The following RANBP2 variants were observed in gnomAD, a reference collection of about 807,000 sequenced individuals.
The protein encoded by RANBP2 is RAN binding protein 2.
In RANBP2, 57 loss-of-function variants were observed where a neutral mutation model predicts 303.6. The observed-to-expected ratio is 0.19, with a 90% CI of 0.15 to 0.23. The LOEUF is 0.23. Ranked by LOEUF, RANBP2 falls within the 10% of genes least tolerant of loss-of-function variation. RANBP2 has a pLI of 1.00. For synonymous variants in RANBP2, 1,167 were observed against 1,301.5 expected, an observed-to-expected ratio of 0.90 and a Z score of 2.23; for missense variants, 3,138 against 3,780.8, an observed-to-expected ratio of 0.83 and a Z score of 4.46.
At chr2:109,686,226 G>A in the RANBP2 span, among the ~76,000 whole-genome samples, 1 of 152,152 alleles carries the variant, frequency 6.6e-6, no homozygotes, top group Non-Finnish European at 1.5e-5. Flanking sequence ...CCCTGAGCCC[G>A]TGGCCACTGG....
the RANBP2 span, among the ~76,000 whole-genome samples, chr2:109,257,693 C>T: frequency 6.6e-6 from 1 of 152,150 alleles, no homozygotes; most frequent in Non-Finnish European, 1.5e-5. Flanking sequence ...ACGTTCATTA[C>T]CTGTTTCCTG....
chr2:109,176,273 TAC>T, the RANBP2 span, among the ~76,000 whole-genome samples: 3 of 152,030 alleles, frequency 2.0e-5, no homozygotes, highest in African/African-American at 7.3e-5. Context: ...TAGAAAAGGG[TAC>T]AGAGGAGGAA....
the RANBP2 span, among the ~76,000 whole-genome samples, chr2:108,914,288 A>G: frequency 6.6e-6 from 1 of 152,036 alleles, no homozygotes; most frequent in Non-Finnish European, 1.5e-5. Context: ...AAATAAAATA[A>G]AAATAAAAAT....
intron 4 of RANBP2, among the ~76,000 whole-genome samples, chr2:108,733,680 C>G (rs1050727308): frequency 1.3e-5 from 2 of 152,034 alleles, no homozygotes; most frequent in Admixed American, 6.6e-5. Context: ...AACATAACTC[C>G]CATATTGGGC....
At chr2:109,302,076 T>C in the RANBP2 span, among the ~76,000 whole-genome samples, 48,106 of 152,118 alleles carry the variant, frequency 0.32, 8,981 homozygotes, top group East Asian at 0.9. Flanking sequence ...TTCTGCCCAC[T>C]GTGTCTTCTC....
chr2:109,676,630 G>A, the RANBP2 span, among the ~76,000 whole-genome samples: 1 of 152,212 alleles, frequency 6.6e-6, no homozygotes, highest in Non-Finnish European at 1.5e-5. Flanking sequence ...GTTGTGCACT[G>A]CCAGGGACAA....
At chr2:108,866,686 C>T in the RANBP2 span, among the ~76,000 whole-genome samples, 1 of 152,042 alleles carries the variant, frequency 6.6e-6, no homozygotes, top group Non-Finnish European at 1.5e-5. Flanking sequence ...AGTTTGAGAC[C>T]AGCCTAGCCA....
At chr2:109,418,618 C>G in the RANBP2 span, among the ~76,000 whole-genome samples, 2 of 152,180 alleles carry the variant, frequency 1.3e-5, no homozygotes, top group East Asian at 3.9e-4. Flanking sequence ...GGTGCCCACT[C>G]TAATCAAGGA....
the RANBP2 span, chr2:109,615,751 C>T: frequency 6.2e-7 from 1 of 1,613,918 alleles, no homozygotes; most frequent in African/African-American, 1.3e-5. Flanking sequence ...GTGCTTCCCT[C>T]GCATCTCATC....
At chr2:109,284,118 G>A in the RANBP2 span, among the ~76,000 whole-genome samples, 3 of 152,136 alleles carry the variant, frequency 2.0e-5, no homozygotes, top group Non-Finnish European at 4.4e-5. Flanking sequence ...GACCTTGAAC[G>A]AACACATCCC....
At chr2:109,631,108 C>T in the RANBP2 span, among the ~76,000 whole-genome samples, 1 of 152,120 alleles carries the variant, frequency 6.6e-6, no homozygotes, top group Non-Finnish European at 1.5e-5. Context: ...AGATTAATAA[C>T]TTGAAAAGGA....
the RANBP2 span, among the ~76,000 whole-genome samples, chr2:109,727,807 A>ATCT: frequency 2.0e-4 from 30 of 152,214 alleles, no homozygotes; most frequent in Non-Finnish European, 4.1e-4. Context: ...TGGCACTAAG[A>ATCT]ATGACCTCTT....
At chr2:109,102,744 C>T in the RANBP2 span, among the ~76,000 whole-genome samples, 1 of 152,102 alleles carries the variant, frequency 6.6e-6, no homozygotes, top group Non-Finnish European at 1.5e-5. Flanking sequence ...CATCAGCAGC[C>T]TAAGTGCAGG....
the RANBP2 span, among the ~76,000 whole-genome samples, chr2:108,821,406 G>A: frequency 6.6e-6 from 1 of 152,182 alleles, no homozygotes; most frequent in Non-Finnish European, 1.5e-5. Context: ...GGAATGTGGA[G>A]CCATAATGAT....
chr2:109,569,056 T>C, the RANBP2 span, among the ~76,000 whole-genome samples: 1 of 152,192 alleles, frequency 6.6e-6, no homozygotes, highest in East Asian at 1.9e-4. Flanking sequence ...AGTTTTTTAG[T>C]TTGTTTTTCA....
At chr2:108,832,890 C>T in the RANBP2 span, among the ~76,000 whole-genome samples, 1 of 152,074 alleles carries the variant, frequency 6.6e-6, no homozygotes, top group African/African-American at 2.4e-5. Flanking sequence ...TGTTCTAGAA[C>T]TATACTGGCA....
chr2:108,761,558 A>T (rs1454762600), intron 18 of RANBP2, among the ~76,000 whole-genome samples: 4 of 152,160 alleles, frequency 2.6e-5, no homozygotes, highest in Non-Finnish European at 5.9e-5. Context: ...ATGAGTGTTG[A>T]TGTGCTTTTT....
At chr2:109,486,047 T>C in the RANBP2 span, among the ~76,000 whole-genome samples, 1 of 152,242 alleles carries the variant, frequency 6.6e-6, no homozygotes, top group Non-Finnish European at 1.5e-5. Context: ...GGGCCCTGCT[T>C]TCAACCCATG....
chr2:109,321,926 ATGG>A, the RANBP2 span, among the ~76,000 whole-genome samples: 1 of 152,124 alleles, frequency 6.6e-6, no homozygotes, highest in Admixed American at 6.5e-5. Context: ...TGAAGGGGAG[ATGG>A]GGCCCTTTTC....
Sources: allele counts gnomAD v4.1 joint callset (sites outside exome capture counted in the v4.1 genomes callset), GRCh38; gene constraint gnomAD v4.1.1; transcripts MANE v1.5; gene names NCBI Gene and HGNC (gene_info 2026-07-23, HGNC 2026-07-21).